The following PRKG1 variants were observed in gnomAD, a reference collection of about 807,000 sequenced individuals.
The protein encoded by PRKG1 is protein kinase cGMP-dependent 1.
A neutral mutation model predicts 88.1 loss-of-function variants in PRKG1; 35 were observed. The observed-to-expected ratio is 0.40, with a 90% CI of 0.30 to 0.53. The LOEUF (loss-of-function observed/expected upper bound fraction) is 0.53. Among genes scored for constraint, PRKG1 ranks in the 20% least tolerant of loss-of-function variants. The probability of loss-of-function intolerance (pLI) is 0.59; values close to 1 mark genes in which losing one functional copy is unlikely to be tolerated. For synonymous variants in PRKG1, 303 were observed against 292.5 expected (o/e 1.04, Z -0.37); for missense variants, 540 against 839.8 (o/e 0.64, Z 4.41).
At chr10:52,030,139 C>G (rs1427495826) in intron 5 of PRKG1, among the ~76,000 whole-genome samples, 6 of 152,164 alleles carry the variant, frequency 3.9e-5, no homozygotes, top group Non-Finnish European at 8.8e-5. Context: ...CTTTGTAACT[C>G]TTAAGTCTCA....
chr10:51,442,897 G>A (rs1839162595), intron 2 of PRKG1, among the ~76,000 whole-genome samples: 1 of 151,926 alleles, frequency 6.6e-6, no homozygotes, highest in Non-Finnish European at 1.5e-5. Flanking sequence ...TTCTTGTGTG[G>A]GATCTTTCCT....
At chr10:51,338,999 T>C (rs375773910) in intron 2 of PRKG1, among the ~76,000 whole-genome samples, 1 of 152,304 alleles carries the variant, frequency 6.6e-6, no homozygotes, top group East Asian at 1.9e-4. Flanking sequence ...GGGTAGCATA[T>C]ATCCATTTCA....
At chr10:52,134,244 C>T (rs1179936052) in intron 8 of PRKG1, among the ~76,000 whole-genome samples, 4 of 152,074 alleles carry the variant, frequency 2.6e-5, no homozygotes, top group Non-Finnish European at 5.9e-5. Flanking sequence ...GGTACTCAAC[C>T]AATGCTAGTT....
intron 3 of PRKG1, among the ~76,000 whole-genome samples, chr10:51,749,817 A>C (rs1359225462): frequency 6.6e-6 from 1 of 152,204 alleles, no homozygotes; most frequent in Admixed American, 6.5e-5. Flanking sequence ...GACAGATGCC[A>C]ATCTCCAGCA....
chr10:51,234,848 C>G (rs1211859404), intron 2 of PRKG1, among the ~76,000 whole-genome samples: 4 of 151,956 alleles, frequency 2.6e-5, no homozygotes, highest in Non-Finnish European at 4.4e-5. Flanking sequence ...AGTATAATAA[C>G]TTACGATTTT....
chr10:51,171,585 T>C lies in PRKG1; in HGVS notation c.478+18255T>C, dbSNP rs915416218. Reference sequence around the variant, plus strand: ...TGACAGGGCAGATAGCTTCATGCCCTAAGTTGCACATTTCACCTGCCTTCA... The same window carrying C: ...TGACAGGGCAGATAGCTTCATGCCCCAAGTTGCACATTTCACCTGCCTTCA... On this transcript the variant is annotated intron_variant, in intron 2 of 17. Coordinates refer to ENST00000373980, the MANE Select transcript of PRKG1 (RefSeq NM_006258.4). 1.3e-5 allele frequency among the ~76,000 whole-genome samples: 2 copies of C among 152,258 alleles called. 1 individual carries two copies. The highest frequency in any genetic ancestry group is 6.8e-3 in the Middle Eastern group (2 of 294).
At chr10:51,447,422 T>G (rs1351179438) in intron 2 of PRKG1, among the ~76,000 whole-genome samples, 1 of 152,028 alleles carries the variant, frequency 6.6e-6, no homozygotes, top group African/African-American at 2.4e-5. Flanking sequence ...TTCTTGCGAG[T>G]TTAGCTCTGA....
intron 3 of PRKG1, among the ~76,000 whole-genome samples, chr10:51,800,126 T>C (rs1839128349): frequency 6.6e-6 from 1 of 152,038 alleles, no homozygotes; most frequent in African/African-American, 2.4e-5. Flanking sequence ...AATCATACTG[T>C]GGTTTGTTGC....
chr10:51,374,093 A>AAAAAATATATATATAT, intron 2 of PRKG1, among the ~76,000 whole-genome samples: 13 of 100,186 alleles, frequency 1.3e-4, no homozygotes, highest in African/African-American at 4.4e-4. Flanking sequence ...AAAAAAAAAA[A>AAAAAATATATATATAT]ATATATATAT....
intron 2 of PRKG1, among the ~76,000 whole-genome samples, chr10:51,318,679 T>TTG (rs1564444489): frequency 6.6e-6 from 1 of 152,114 alleles, no homozygotes; most frequent in Non-Finnish European, 1.5e-5. Context: ...GATTTAAAGA[T>TTG]TACTTTCATT....
At chr10:51,930,232 G>A (rs1022252731) in intron 5 of PRKG1, among the ~76,000 whole-genome samples, 1 of 152,128 alleles carries the variant, frequency 6.6e-6, no homozygotes, top group African/African-American at 2.4e-5. Context: ...GATGGAGTGG[G>A]GGGAGGAAAA....
chr10:51,200,691 A>G (rs74133537), intron 2 of PRKG1, among the ~76,000 whole-genome samples: 3,450 of 152,308 alleles, frequency 0.023, 63 homozygotes, highest in Middle Eastern at 0.054. Context: ...TGGAGTTTTC[A>G]TAGCATGTGC....
At chr10:51,125,818 T>G (rs979287754) in intron 1 of PRKG1, among the ~76,000 whole-genome samples, 3 of 143,208 alleles carry the variant, frequency 2.1e-5, no homozygotes, top group East Asian at 4.0e-4. Flanking sequence ...TATTTAAAAA[T>G]TATAAATATG....
chr10:51,195,051 G>A (rs984625132), intron 2 of PRKG1, among the ~76,000 whole-genome samples: 1 of 152,202 alleles, frequency 6.6e-6, no homozygotes, highest in Non-Finnish European at 1.5e-5. Context: ...CCGTAGACTT[G>A]TGCTAAAACC....
chr10:51,319,607 C>T (rs1200908569), intron 2 of PRKG1, among the ~76,000 whole-genome samples: 1 of 152,154 alleles, frequency 6.6e-6, no homozygotes, highest in Non-Finnish European at 1.5e-5. Flanking sequence ...GTTCAAGTTT[C>T]AGTCAGGGAT....
At chr10:51,105,043 G>T (rs1174734446) in intron 1 of PRKG1, among the ~76,000 whole-genome samples, 4 of 151,884 alleles carry the variant, frequency 2.6e-5, no homozygotes, top group Non-Finnish European at 5.9e-5. Context: ...GCTAATTTTT[G>T]TATTTTTGGT....
chr10:51,034,459 A>G (rs1399173060), intron 1 of PRKG1, among the ~76,000 whole-genome samples: 1 of 151,866 alleles, frequency 6.6e-6, no homozygotes, highest in African/African-American at 2.4e-5. Context: ...TATTTTTCAT[A>G]AAAACCTTAA....
chr10:51,888,150 A>G (rs532040067), intron 4 of PRKG1, among the ~76,000 whole-genome samples: 7 of 152,106 alleles, frequency 4.6e-5, no homozygotes, highest in Admixed American at 2.0e-4. Flanking sequence ...TTATGGCCCA[A>G]CTCATTAAAA....
At chr10:51,949,326 G>T (rs990493838) in intron 5 of PRKG1, among the ~76,000 whole-genome samples, 2 of 152,038 alleles carry the variant, frequency 1.3e-5, no homozygotes, top group South Asian at 2.1e-4. Context: ...AAGAAATTTG[G>T]TTTAGGCTGG....
Sources: gnomAD v4.1 joint callset for allele counts (sites outside exome capture counted in the v4.1 genomes callset) on GRCh38, gnomAD v4.1.1 for gene constraint, MANE v1.5 for transcripts, NCBI Gene and HGNC (gene_info 2026-07-23, HGNC 2026-07-21) for gene names.